The following NKAIN2 variants were observed in gnomAD, a reference collection of about 807,000 sequenced individuals.
The protein encoded by NKAIN2 is sodium/potassium transporting ATPase interacting 2, also known as sodium/potassium-transporting ATPase subunit beta-1-interacting protein 2.
Under a neutral mutation model 32.6 loss-of-function variants are expected in NKAIN2, and 14 were observed. The ratio of observed to expected loss-of-function variants is 0.43; its 90% CI spans 0.28 to 0.67. The LOEUF (loss-of-function observed/expected upper bound fraction) is 0.67, where lower values mean the gene tolerates loss of function less well. Ranked by LOEUF, NKAIN2 falls within the 30% of genes least tolerant of loss-of-function variation. The pLI is 0.17. For missense variants in NKAIN2, 198 were observed against 258.3 expected, an observed-to-expected ratio of 0.77 and a Z score of 1.60; for synonymous variants, 80 against 87.2, an observed-to-expected ratio of 0.92 and a Z score of 0.46.
In NKAIN2 at chr6:124,570,093, G is replaced by C. The variant is rs1462366014; in HGVS notation, c.274-88093G>C. 2.0e-5 allele frequency among the ~76,000 whole-genome samples: 3 copies of C among 152,186 alleles called. No individual in the cohort carries two copies. The South Asian group carries it at 6.2e-4, about 31-fold the overall frequency. ...AGGTGGCAATTTAGCCCCTGCCCTA[G>C]AGATTTGTGGAACTTTGAACATGAG... On this transcript the variant is annotated intron_variant, in intron 3 of 6. Transcript: ENST00000368417.
chr6:123,876,556 A>G (rs911077126), intron 1 of NKAIN2, among the ~76,000 whole-genome samples: 3 of 152,172 alleles, frequency 2.0e-5, no homozygotes, highest in African/African-American at 7.2e-5. Flanking sequence ...CAGGAAAGCC[A>G]GTGGTGTAGT....
chr6:124,815,874 A>G (rs1781140031), intron 5 of NKAIN2, among the ~76,000 whole-genome samples: 2 of 152,140 alleles, frequency 1.3e-5, no homozygotes, highest in South Asian at 4.1e-4. Flanking sequence ...TGTCTCATCC[A>G]GGACTCTACA....
At chr6:124,438,579 G>T (rs530541276) in intron 3 of NKAIN2, among the ~76,000 whole-genome samples, 4 of 152,114 alleles carry the variant, frequency 2.6e-5, no homozygotes, top group Non-Finnish European at 5.9e-5. Context: ...CCTTTCACTT[G>T]TCATCCTCTC....
chr6:123,871,820 A>G (rs1232428897), intron 1 of NKAIN2, among the ~76,000 whole-genome samples: 1 of 152,202 alleles, frequency 6.6e-6, no homozygotes, highest in African/African-American at 2.4e-5. Flanking sequence ...AAACATATAA[A>G]TATTCATTCA....
rs368618355 is a variant in NKAIN2 at position 123,954,959 on chromosome 6, T to C, written c.54+150705T>C. ...GGGAAGCCTGATCCAGGACATGTAA[T>C]TTGCAGGGTGTACTGAGCTGGGGGT... On this transcript the variant is annotated intron_variant, in intron 1 of 6. Coordinates refer to ENST00000368417, the MANE Select transcript of NKAIN2 (RefSeq NM_001040214.3). Among the ~76,000 whole-genome samples the C allele has an allele frequency of 9.9e-5, 15 of 151,588 alleles. No individual in the cohort carries two copies. The South Asian group carries it at 1.3e-3, about 13-fold the overall frequency.
At position 124,598,348 on chromosome 6, in the gene NKAIN2, C is replaced by T. The variant is rs146870721; in HGVS notation, c.274-59838C>T. Among the ~76,000 whole-genome samples, 714 of 152,272 alleles carry T rather than the reference C, an allele frequency of 4.7e-3. 3 individuals carry two copies. Among genetic ancestry groups the T allele is most frequent in the South Asian group, 0.01 (50 of 4,818 alleles). On this transcript the variant is annotated intron_variant, in intron 3 of 6. Coordinates refer to ENST00000368417, the MANE Select transcript of NKAIN2 (RefSeq NM_001040214.3). ...CCATAAAAGTGTCAGCTCTATATCA[C>T]TTCATGAATTAATAAATGTCCAAAG...
At position 123,872,766 on chromosome 6, in the gene NKAIN2, G is replaced by T. The variant is rs540701213; in HGVS notation, c.54+68512G>T. Among the ~76,000 whole-genome samples, 3 of 152,202 alleles carry T rather than the reference G, an allele frequency of 2.0e-5. No individual in the cohort carries two copies. In the South Asian group the frequency reaches 6.2e-4, roughly 32 times the overall value. On this transcript the variant is annotated intron_variant, in intron 1 of 6. Coordinates refer to ENST00000368417, the MANE Select transcript of NKAIN2 (RefSeq NM_001040214.3). ...CACTTGGCTCCTAATTTAGATTATG[G>T]GGAATAAAACAAACCAAGAGATGTT...
chr6:124,627,264 G>A (rs926421688), intron 3 of NKAIN2, among the ~76,000 whole-genome samples: 2 of 151,436 alleles, frequency 1.3e-5, no homozygotes, highest in African/African-American at 2.4e-5. Flanking sequence ...AGCAAGACAC[G>A]GTCTCAAAAA....
At chr6:124,459,919 A>G (rs554039542) in intron 3 of NKAIN2, among the ~76,000 whole-genome samples, 1 of 151,826 alleles carries the variant, frequency 6.6e-6, no homozygotes, top group Non-Finnish European at 1.5e-5. Flanking sequence ...TTTTACGTAG[A>G]TGTATATGTG....
At chr6:124,115,582 C>T (rs1204493389) in intron 1 of NKAIN2, among the ~76,000 whole-genome samples, 1 of 152,070 alleles carries the variant, frequency 6.6e-6, no homozygotes, top group Non-Finnish European at 1.5e-5. Flanking sequence ...GATACCCCTG[C>T]TTGGCAGTAT....
chr6:124,051,626 C>T (rs1782404231), intron 1 of NKAIN2, among the ~76,000 whole-genome samples: 2 of 151,938 alleles, frequency 1.3e-5, no homozygotes, highest in Non-Finnish European at 2.9e-5. Flanking sequence ...TTCCTTTTAA[C>T]AAGCCAATTA....
At chr6:124,452,784 A>G (rs186861878) in intron 3 of NKAIN2, among the ~76,000 whole-genome samples, 20 of 152,272 alleles carry the variant, frequency 1.3e-4, no homozygotes, top group Admixed American at 3.9e-4. Flanking sequence ...AGCCATATTA[A>G]TGTTAAAAAT....
intron 1 of NKAIN2, among the ~76,000 whole-genome samples, chr6:123,863,200 G>A (rs1775854514): frequency 6.6e-6 from 1 of 152,202 alleles, no homozygotes; most frequent in South Asian, 2.1e-4. Flanking sequence ...TAGGATAGAA[G>A]TAGATATTAA....
chr6:124,233,315 T>C (rs1229346924), intron 1 of NKAIN2, among the ~76,000 whole-genome samples: 1 of 152,230 alleles, frequency 6.6e-6, no homozygotes, highest in African/African-American at 2.4e-5. Flanking sequence ...CATAACATTT[T>C]CTGCACTAGC....
intron 1 of NKAIN2, among the ~76,000 whole-genome samples, chr6:124,161,647 A>G (rs1173967429): frequency 2.6e-5 from 4 of 152,132 alleles, no homozygotes; most frequent in Middle Eastern, 3.2e-3. Flanking sequence ...ATAAGACATT[A>G]TAAGGGTGCA....
At chr6:123,916,841 C>CTAT (rs1554223160) in intron 1 of NKAIN2, among the ~76,000 whole-genome samples, 5 of 143,486 alleles carry the variant, frequency 3.5e-5, no homozygotes, top group South Asian at 2.3e-4. Context: ...ATCTATCTAT[C>CTAT]CTACCTACCT....
At chr6:124,532,799 A>G (rs74418640) in intron 3 of NKAIN2, among the ~76,000 whole-genome samples, 10,280 of 152,210 alleles carry the variant, frequency 0.068, 452 homozygotes, top group East Asian at 0.16. Flanking sequence ...CATGGTTCCA[A>G]CGTCCTCTTT....
At chr6:124,068,974 C>T (rs1293039417) in intron 1 of NKAIN2, among the ~76,000 whole-genome samples, 3 of 152,046 alleles carry the variant, frequency 2.0e-5, no homozygotes, top group Non-Finnish European at 4.4e-5. Context: ...AGGTTTTGCT[C>T]TTGCAGGTAC....
At chr6:124,347,096 C>A (rs1798463529) in intron 2 of NKAIN2, among the ~76,000 whole-genome samples, 1 of 151,996 alleles carries the variant, frequency 6.6e-6, no homozygotes, top group Admixed American at 6.5e-5. Flanking sequence ...ACTTATGAAG[C>A]TTAGTTTGGC....
Sources: gnomAD v4.1 joint callset for allele counts (sites outside exome capture counted in the v4.1 genomes callset) on GRCh38, gnomAD v4.1.1 for gene constraint, MANE v1.5 for transcripts, NCBI Gene and HGNC (gene_info 2026-07-23, HGNC 2026-07-21) for gene names.